CELF3: variants seen among roughly 807,000 people sequenced by gnomAD.
CELF3 encodes CUGBP Elav-like family member 3, also known as CAG repeat domain.
In CELF3, 26 loss-of-function variants were observed where a neutral mutation model predicts 59.6. The observed-to-expected ratio is 0.44, with a 90% CI of 0.32 to 0.61. The LOEUF (loss-of-function observed/expected upper bound fraction) is 0.61. Ranked by LOEUF, CELF3 falls within the 20% of genes least tolerant of loss-of-function variation. The pLI is 0.06. For synonymous variants in CELF3, 245 were observed against 250.7 expected, an observed-to-expected ratio of 0.98 and a Z score of 0.22; for missense variants, 387 against 627.2, an observed-to-expected ratio of 0.62 and a Z score of 4.09.
In CELF3 at chr1:151,701,782, C is replaced by T. The variant is rs991655906; in HGVS notation, c.*1677G>A. ...ACACCATTTTTAAAAATGAGCTGGG[C>T]GTGGTGGTGCAGCCGCTTATAGTCC... On this transcript the variant is annotated 3_prime_UTR_variant, in exon 13 of 13. Transcript: ENST00000290583. 6.6e-6 allele frequency among the ~76,000 whole-genome samples: 1 copy of T among 152,030 alleles called. No homozygotes were observed. The highest frequency in any genetic ancestry group is 1.5e-5 in the Non-Finnish European group (1 of 68,000).
In CELF3 at chr1:151,709,649, C is replaced by A; in HGVS notation, c.277+94G>T. On this transcript the variant is annotated intron_variant, in intron 3 of 12. Coordinates refer to ENST00000290583, the MANE Select transcript of CELF3 (RefSeq NM_007185.7). This position sits in a 1 kb window ranked among gnomAD's most constrained non-coding sequence, Gnocchi z 4.9. ...CTGGGAACTCTTCAGAATCATCAGGCTTTCTCCCTCAAGAAAGGCTACCCC... is the reference window on the plus strand; with the variant it reads ...CTGGGAACTCTTCAGAATCATCAGGATTTCTCCCTCAAGAAAGGCTACCCC... 1.6e-6 allele frequency: 2 copies of A among 1,276,524 alleles called. No homozygotes were observed. Among genetic ancestry groups the A allele is most frequent in the Non-Finnish European group, 2.3e-6 (2 of 873,138 alleles). The allele number at this position is 1,276,524 out of a possible 1,614,324, so 79.1% of individuals were successfully genotyped here.
chr1:151,707,140 C>A lies in CELF3; in HGVS notation c.922+5G>T. The A allele has an allele frequency of 6.7e-7, 1 of 1,481,976 alleles. No homozygotes were observed. Among genetic ancestry groups the A allele is most frequent in the South Asian group, 1.4e-5 (1 of 70,116 alleles). 91.8% of individuals were successfully genotyped at this position (1,481,976 alleles called of 1,614,324 possible). A position where few individuals can be genotyped will look rare whatever the true frequency, so the allele number is the denominator to read the frequency against. On this transcript the variant is annotated splice_donor_5th_base_variant and intron_variant, in intron 8 of 12. Coordinates refer to ENST00000290583, the MANE Select transcript of CELF3 (RefSeq NM_007185.7). ...GGGACGGAGTGGGCAGGCAGAGAGT[C>A]CCACCTGGGTAGGGGTGAACCCCGT...
intron 2 of CELF3, chr1:151,710,204 C>G: frequency 4.0e-6 from 1 of 252,996 alleles, no homozygotes; most frequent in Non-Finnish European, 7.8e-6. Context: ...AAGGAGGACT[C>G]TAGACTGAGG....
In CELF3 at chr1:151,716,301, C is replaced by T. The variant is rs867846195; in HGVS notation, c.-281G>A. 8 of 415,824 alleles carry T rather than the reference C, an allele frequency of 1.9e-5. No homozygotes were observed. The highest frequency in any genetic ancestry group is 6.4e-4 in the Middle Eastern group (1 of 1,574). 25.8% of individuals were successfully genotyped at this position (415,824 alleles called of 1,614,324 possible). Reference sequence around the variant, plus strand: ...CCTCCCAGAGATCTGGCAAATGTCCCAGGATGGGGGTGAGTATGGCCAAGA... The same window carrying T: ...CCTCCCAGAGATCTGGCAAATGTCCTAGGATGGGGGTGAGTATGGCCAAGA... On this transcript the variant is annotated 5_prime_UTR_variant, in exon 1 of 13. Transcript: ENST00000290583.
chr1:151,703,190 C>G lies in CELF3; in HGVS notation c.*269G>C, dbSNP rs934444232. 2 of 459,364 alleles carry G rather than the reference C, an allele frequency of 4.4e-6. No individual in the cohort carries two copies. Among genetic ancestry groups the G allele is most frequent in the Middle Eastern group, 6.5e-4 (2 of 3,072 alleles). The allele number at this position is 459,364 out of a possible 1,614,324, so 28.5% of individuals were successfully genotyped here. On this transcript the variant is annotated 3_prime_UTR_variant, in exon 13 of 13. Transcript: ENST00000290583. Reference sequence around the variant, plus strand: ...CCAGCAGAAGGCAGATACCCCGGAGCCTTCGAGCCTGTTCCTCGCTCCCTC... The same window carrying G: ...CCAGCAGAAGGCAGATACCCCGGAGGCTTCGAGCCTGTTCCTCGCTCCCTC...
intron 2 of CELF3, chr1:151,710,479 G>C (rs1672925242): frequency 2.9e-6 from 1 of 340,164 alleles, no homozygotes; most frequent in Non-Finnish European, 5.9e-6. Flanking sequence ...GGGGTGGGGG[G>C]TGGTTAACAG....
intron 5 of CELF3, 71 bp from the exon 6 acceptor site, chr1:151,708,006 T>C (rs1485851928): frequency 1.3e-6 from 2 of 1,511,098 alleles, no homozygotes; most frequent in Admixed American, 2.0e-5. Flanking sequence ...CCTCAGGACC[T>C]GGTCTCCATT....
Position 151,707,948 on chromosome 1 carries a change from C to T in CELF3, c.487-13G>A. On this transcript the variant is annotated splice_polypyrimidine_tract_variant and intron_variant, in intron 5 of 12. Coordinates refer to ENST00000290583, the MANE Select transcript of CELF3 (RefSeq NM_007185.7). ...TGGACGAGGCACCCTGGGCACGGGC[C>T]CACACACAGGTCAGAGGTGCAGGGT... 1.2e-6 allele frequency: 2 copies of T among 1,606,512 alleles called. No homozygotes were observed. The highest frequency in any genetic ancestry group is 1.7e-6 in the Non-Finnish European group (2 of 1,175,040).
Position 151,709,625 on chromosome 1 carries a change from T to G in CELF3, c.277+118A>C. On this transcript the variant is annotated intron_variant, in intron 3 of 12. Transcript: ENST00000290583. This position sits in a 1 kb window ranked among gnomAD's most constrained non-coding sequence, Gnocchi z 4.9. ...ACACTGACTCCTATCTCACCGCAGC[T>G]GGGAACTCTTCAGAATCATCAGGCT... The G allele has an allele frequency of 8.8e-7, 1 of 1,141,680 alleles. No homozygotes were observed. Among genetic ancestry groups the G allele is most frequent in the South Asian group, 1.2e-5 (1 of 80,286 alleles). The allele number at this position is 1,141,680 out of a possible 1,614,324, so 70.7% of individuals were successfully genotyped here. A position where few individuals can be genotyped will look rare whatever the true frequency, so the allele number is the denominator to read the frequency against.
In CELF3 at chr1:151,716,253, G is replaced by A; in HGVS notation, c.-233C>T. 1 of 488,040 alleles carries A rather than the reference G, an allele frequency of 2.0e-6. No homozygotes were observed. Among genetic ancestry groups the A allele is most frequent in the East Asian group, 3.2e-5 (1 of 31,354 alleles). The allele number at this position is 488,040 out of a possible 1,614,324, so 30.2% of individuals were successfully genotyped here. On this transcript the variant is annotated 5_prime_UTR_variant, in exon 1 of 13. Transcript: ENST00000290583. ...GCAGACGCTGTCATGCCACCAGGGG[G>A]CATCGCCTAAACAAACGATCTCCCT...
At position 151,714,623 on chromosome 1, in the gene CELF3, C is replaced by T. The variant is rs754604007; in HGVS notation, c.199G>A (p.Ala67Thr). 72 of 1,559,622 alleles carry T rather than the reference C, an allele frequency of 4.6e-5. No homozygotes were observed. Among genetic ancestry groups the T allele is most frequent in the Non-Finnish European group, 5.7e-5 (66 of 1,151,556 alleles). ...ARDSALKAQS[A>T]LHEQKTLPGM... ...GGAAGCGTCTTCTGTTCGTGCAGGG[C>T]GCTCTGGGCCTTCAGGGCTGAATCC... Residue 67 changes from alanine to threonine, a missense_variant, in exon 2 of 13, where the codon GCC (alanine) becomes ACC (threonine). Physicochemically the swap from Ala to Thr is moderately conservative, Grantham distance 58. Coordinates refer to ENST00000290583, the MANE Select transcript of CELF3 (RefSeq NM_007185.7).
At position 151,700,882 on chromosome 1, in the gene CELF3, A is replaced by G. The variant is rs573311218; in HGVS notation, c.*2577T>C. 5 of 152,354 alleles carry G rather than the reference A, an allele frequency of 3.3e-5. No homozygotes were observed. The East Asian group carries it at 5.8e-4, about 18-fold the overall frequency. 9.4% of individuals were successfully genotyped at this position (152,354 alleles called of 1,614,324 possible). A position where few individuals can be genotyped will look rare whatever the true frequency, so the allele number is the denominator to read the frequency against. ...CTATGATGATGTAGATATGGATGGG[A>G]AGTCCAGTATAGATGTCCAACAGTC... On this transcript the variant is annotated 3_prime_UTR_variant, in exon 13 of 13. Transcript: ENST00000290583.
At chr1:151,707,683 C>G in intron 6 of CELF3, 35 bp from the exon 7 acceptor site, 1 of 1,599,220 alleles carries the variant, frequency 6.3e-7, no homozygotes, top group Non-Finnish European at 8.5e-7. Context: ...GGGCAGGCCC[C>G]CTGTGCCCAA....
chr1:151,714,269 G>C (rs977507629), intron 2 of CELF3, among the ~76,000 whole-genome samples: 37 of 152,152 alleles, frequency 2.4e-4, no homozygotes, highest in African/African-American at 8.2e-4. Context: ...ATCCACACTT[G>C]GTGTCCAGAG....
Position 151,705,253 on chromosome 1 carries a change from C to T in CELF3, c.1271-85G>A. On this transcript the variant is annotated intron_variant, in intron 11 of 12. Coordinates refer to ENST00000290583, the MANE Select transcript of CELF3 (RefSeq NM_007185.7). This position sits in a 1 kb window ranked among gnomAD's most constrained non-coding sequence, Gnocchi z 5.1. ...GACCTCTGGCACTACCCTGTGTCTCCCAAGTGTCCCAAATGCCTAGAAAGC... is the reference window on the plus strand; with the variant it reads ...GACCTCTGGCACTACCCTGTGTCTCTCAAGTGTCCCAAATGCCTAGAAAGC... The T allele has an allele frequency of 6.9e-7, 1 of 1,439,742 alleles. No homozygotes were observed. The highest frequency in any genetic ancestry group is 9.4e-7 in the Non-Finnish European group (1 of 1,067,654). The allele number at this position is 1,439,742 out of a possible 1,614,324, so 89.2% of individuals were successfully genotyped here. A position where few individuals can be genotyped will look rare whatever the true frequency, so the allele number is the denominator to read the frequency against.
intron 2 of CELF3, chr1:151,711,135 G>C (rs972353889): frequency 3.6e-5 from 11 of 309,264 alleles, no homozygotes; most frequent in African/African-American, 2.4e-4. Flanking sequence ...CTAGCTGGGC[G>C]ACCTTGGACA....
intron 5 of CELF3, 23 bp downstream of exon 5, chr1:151,708,975 G>C (rs771796109): frequency 2.0e-5 from 32 of 1,607,276 alleles, no homozygotes; most frequent in Non-Finnish European, 2.6e-5. Flanking sequence ...GGAGAGGCCC[G>C]GGGGCAGGGG....
chr1:151,705,021 C>T lies in CELF3; in HGVS notation c.*10+10G>A, dbSNP rs182793695. On this transcript the variant is annotated intron_variant, in intron 12 of 12. Transcript: ENST00000290583. The surrounding 1 kb of genome is among the most constrained non-coding windows in gnomAD (Gnocchi z 5.1). ...GCTGGGGAGGGAGGCCACAACGGAG[C>T]GGGACCCACCTGGGGGCCCTCAGTA... 99 of 1,603,890 alleles carry T rather than the reference C, an allele frequency of 6.2e-5. No individual in the cohort carries two copies. In the African/African-American group the frequency reaches 9.1e-4, roughly 15 times the overall value.
intron 2 of CELF3, among the ~76,000 whole-genome samples, chr1:151,712,986 C>CA (rs919240961): frequency 7.9e-5 from 12 of 152,096 alleles, no homozygotes; most frequent in African/African-American, 2.9e-4. Flanking sequence ...ATGCAGGTAG[C>CA]AGGAGAAGAC....
Sources: allele counts gnomAD v4.1 joint callset (sites outside exome capture counted in the v4.1 genomes callset), GRCh38; gene constraint gnomAD v4.1.1; non-coding constraint Gnocchi (gnomAD v3.1); transcripts MANE v1.5; gene names NCBI Gene and HGNC (gene_info 2026-07-23, HGNC 2026-07-21).